The following RABEP2 variants were observed in gnomAD, a reference collection of about 807,000 sequenced individuals.
The protein encoded by RABEP2 is rab GTPase-binding effector protein 2.
In RABEP2, 57 loss-of-function variants were observed where a neutral mutation model predicts 74.1. The ratio of observed to expected loss-of-function variants is 0.77; its 90% CI spans 0.62 to 0.96. RABEP2 has a LOEUF of 0.96. Ranked by LOEUF, RABEP2 falls within the 40% of genes least tolerant of loss-of-function variation. The pLI, the probability that RABEP2 is intolerant of heterozygous loss-of-function variation, is 0.00. For missense variants in RABEP2, 692 were observed against 756.3 expected (o/e 0.91, Z 1.00); for synonymous variants, 351 against 344.0 (o/e 1.02, Z -0.23).
chr16:28,921,625 G>A (rs1020578905), intron 2 of RABEP2, among the ~76,000 whole-genome samples: 13 of 150,714 alleles, frequency 8.6e-5, no homozygotes, highest in Admixed American at 2.7e-4. Context: ...AGGAGATGGA[G>A]GTGATGTTGG....
At position 28,904,471 on chromosome 16, in the gene RABEP2, T is replaced by C. The variant is rs988430005; in HGVS notation, c.*472A>G. On this transcript the variant is annotated 3_prime_UTR_variant, in exon 13 of 13. Transcript: ENST00000358201. Reference sequence around the variant, plus strand: ...AATAAACGACGGAAAAGTCTGGCCTTGCCTCTGTGCAAGCTTGGAGGCCTG... The same window carrying C: ...AATAAACGACGGAAAAGTCTGGCCTCGCCTCTGTGCAAGCTTGGAGGCCTG... 1.1e-5 allele frequency: 16 copies of C among 1,510,798 alleles called. No individual in the cohort carries two copies. The African/African-American group carries it at 1.8e-4, about 17-fold the overall frequency. The allele number at this position is 1,510,798 out of a possible 1,614,324, so 93.6% of individuals were successfully genotyped here. A position where few individuals can be genotyped will look rare whatever the true frequency, so the allele number is the denominator to read the frequency against.
chr16:28,925,119 C>G lies in RABEP2; in HGVS notation c.45G>C (p.Arg15=), dbSNP rs1964518151. ...APVAADDDER[R]RRPGAALEDS... Reference sequence around the variant, plus strand: ...CTCACGTACCAGCCCCCGGCCGCCGCCGCCGCTCATCGTCGTCCGCGGCCA... The same window carrying G: ...CTCACGTACCAGCCCCCGGCCGCCGGCGCCGCTCATCGTCGTCCGCGGCCA... The change falls in exon 1 of 13, where the codon CGG becomes CGC. Residue 15 remains arginine, a synonymous_variant. Coordinates refer to ENST00000358201, the MANE Select transcript of RABEP2 (RefSeq NM_024816.3). 7 of 1,536,724 alleles carry G rather than the reference C, an allele frequency of 4.6e-6. No homozygotes were observed. Among genetic ancestry groups the G allele is most frequent in the Non-Finnish European group, 6.1e-6 (7 of 1,148,188 alleles).
At chr16:28,922,353 G>A (rs1276118923) in intron 2 of RABEP2, among the ~76,000 whole-genome samples, 1 of 152,122 alleles carries the variant, frequency 6.6e-6, no homozygotes, top group Non-Finnish European at 1.5e-5. Context: ...TTGGGAGGCC[G>A]AGGTGGGCGG....
intron 2 of RABEP2, chr16:28,920,985 C>T: frequency 3.5e-5 from 12 of 339,908 alleles, no homozygotes; most frequent in South Asian, 2.7e-4. Context: ...CACCTCAGTG[C>T]CCCGAGTAGC....
chr16:28,914,658 G>A lies in RABEP2; in HGVS notation c.543+14C>T, dbSNP rs748729728. On this transcript the variant is annotated intron_variant, in intron 4 of 12. Coordinates refer to ENST00000358201, the MANE Select transcript of RABEP2 (RefSeq NM_024816.3). Reference sequence around the variant, plus strand: ...CACCCCTCCTTCCCCAGCGCCCCCTGGCCGTGCCCTCACCTGGATCTCCTG... The same window carrying A: ...CACCCCTCCTTCCCCAGCGCCCCCTAGCCGTGCCCTCACCTGGATCTCCTG... 4.0e-5 allele frequency: 64 copies of A among 1,613,564 alleles called. No individual in the cohort carries two copies. The highest frequency in any genetic ancestry group is 4.4e-5 in the South Asian group (4 of 91,052).
At chr16:28,912,919 G>C (rs1964333857) in intron 5 of RABEP2, among the ~76,000 whole-genome samples, 1 of 151,952 alleles carries the variant, frequency 6.6e-6, no homozygotes, top group South Asian at 2.1e-4. Flanking sequence ...CCATCCTCAG[G>C]GCCTTCGAAC....
At position 28,914,681 on chromosome 16, in the gene RABEP2, C is replaced by T. The variant is rs774150456; in HGVS notation, c.534G>A (p.Gln178=). The part of the protein sequence containing the change: ...AKLLRAEELI[Q]EIQRRPRHAP... ...CTGGCCGTGCCCTCACCTGGATCTC[C>T]TGAATCAGCTCCTCGGCCCTCAGCA... is the stretch of plus-strand genomic sequence containing the variant. The change falls in exon 4 of 13, where the codon CAG becomes CAA. Residue 178 remains glutamine, a synonymous_variant. Coordinates refer to ENST00000358201, the MANE Select transcript of RABEP2 (RefSeq NM_024816.3). The T allele has an allele frequency of 8.1e-6, 13 of 1,614,018 alleles. No individual in the cohort carries two copies. In the South Asian group the frequency reaches 1.4e-4, roughly 18 times the overall value.
In RABEP2 at chr16:28,924,572, G is replaced by C; in HGVS notation, c.105C>G (p.Ala35=). The change falls in exon 2 of 13, where the codon GCC becomes GCG. Residue 35 remains alanine (A), a synonymous_variant. Coordinates refer to ENST00000358201, the MANE Select transcript of RABEP2 (RefSeq NM_024816.3). Reference sequence around the variant, plus strand: ...GAAGCCGGCTGAGCTCACCTGACTCGGCCTCACCATTTGCCCCTTCCTGGG... The same window carrying C: ...GAAGCCGGCTGAGCTCACCTGACTCCGCCTCACCATTTGCCCCTTCCTGGG... The part of the protein sequence containing the change: ...SRSQEGANGE[A]ESGELSRLRA... The C allele has an allele frequency of 2.5e-6, 4 of 1,613,322 alleles. No individual in the cohort carries two copies. The highest frequency in any genetic ancestry group is 3.4e-6 in the Non-Finnish European group (4 of 1,180,008).
chr16:28,910,607 C>T (rs1341230841), intron 7 of RABEP2: 1 of 362,652 alleles, frequency 2.8e-6, no homozygotes, highest in Non-Finnish European at 5.1e-6. Flanking sequence ...ACTCTGCAAA[C>T]TAGGGCCCAT....
chr16:28,910,690 G>T, intron 7 of RABEP2, 198 bp downstream of exon 7: 1 of 560,454 alleles, frequency 1.8e-6, no homozygotes, highest in Non-Finnish European at 3.2e-6. Context: ...AGCTCTGTGT[G>T]GCTGCAGGGG....
rs1349241101 is a variant in RABEP2, at chr16:28,904,820, GTC to G, written c.*121_*122del. 2.9e-5 allele frequency: 23 copies of G among 785,044 alleles called. No individual in the cohort carries two copies. In the East Asian group the frequency reaches 6.2e-4, roughly 21 times the overall value. The allele number at this position is 785,044 out of a possible 1,614,324, so 48.6% of individuals were successfully genotyped here. A position where few individuals can be genotyped will look rare whatever the true frequency, so the allele number is the denominator to read the frequency against. ...GGCGGGGCGGTGGTGGCCCCCGTCAGTCCCCTCAACCCCAGTCTCAGGGACGG... is the reference window on the plus strand; with the variant it reads ...GGCGGGGCGGTGGTGGCCCCCGTCAGCCCTCAACCCCAGTCTCAGGGACGG... On this transcript the variant is annotated 3_prime_UTR_variant, in exon 13 of 13. Coordinates refer to ENST00000358201, the MANE Select transcript of RABEP2 (RefSeq NM_024816.3).
intron 5 of RABEP2, among the ~76,000 whole-genome samples, chr16:28,912,925 C>T (rs1015075887): frequency 2.6e-5 from 4 of 152,068 alleles, no homozygotes; most frequent in Admixed American, 2.0e-4. Flanking sequence ...TCAGGGCCTT[C>T]GAACTCACAG....
intron 7 of RABEP2, chr16:28,910,281 T>C (rs1596696766): frequency 1.3e-5 from 2 of 149,944 alleles, no homozygotes; most frequent in Admixed American, 1.4e-4. Flanking sequence ...CAGTATCTGA[T>C]TTGCTTTTTT....
chr16:28,913,177 A>G (rs1964337616), intron 5 of RABEP2, among the ~76,000 whole-genome samples: 1 of 151,738 alleles, frequency 6.6e-6, no homozygotes, highest in Non-Finnish European at 1.5e-5. Context: ...TGATCTGCCC[A>G]TCTCGGCCTC....
intron 2 of RABEP2, among the ~76,000 whole-genome samples, chr16:28,921,837 C>T (rs1312343446): frequency 1.3e-5 from 2 of 151,500 alleles, no homozygotes; most frequent in East Asian, 1.9e-4. Context: ...TGGTGGTGGG[C>T]GCCTGTAATC....
chr16:28,914,591 G>C lies in RABEP2; in HGVS notation c.544-5C>G. On this transcript the variant is annotated splice_region_variant and splice_polypyrimidine_tract_variant and intron_variant, in intron 4 of 12. Coordinates refer to ENST00000358201, the MANE Select transcript of RABEP2 (RefSeq NM_024816.3). ...AGGGGCATGCCGGGGACGTCTCTAG[G>C]GAAGGGGGCAGGGAAGAGGCTGGGG... 1.2e-6 allele frequency: 2 copies of C among 1,609,742 alleles called. No individual in the cohort carries two copies. Among genetic ancestry groups the C allele is most frequent in the South Asian group, 2.2e-5 (2 of 90,718 alleles).
At position 28,920,363 on chromosome 16, in the gene RABEP2, G is replaced by GTTATTA. The variant is rs147158210; in HGVS notation, c.275-426_275-421dup. ...TTAAGAACGGTAAGAATTTTTTTTG[G>GTTATTA]TTATTATTATTATTATTATTATTAT... On this transcript the variant is annotated intron_variant, in intron 2 of 12. Transcript: ENST00000358201. Among the ~76,000 whole-genome samples the GTTATTA allele has an allele frequency of 8.0e-3, 1,132 of 141,604 alleles. 13 individuals carry two copies. The highest frequency in any genetic ancestry group is 0.021 in the African/African-American group (785 of 38,240). 92.9% of individuals were successfully genotyped at this position (141,604 alleles called of 152,430 possible).
At chr16:28,911,244 G>A (rs531663004) in intron 5 of RABEP2, 65 bp from the exon 6 acceptor site, 15 of 1,478,074 alleles carry the variant, frequency 1.0e-5, no homozygotes, top group East Asian at 7.0e-5. Context: ...CACACTTCTC[G>A]TGGCCCACCT....
intron 5 of RABEP2, among the ~76,000 whole-genome samples, chr16:28,912,074 G>A (rs1466214383): frequency 1.3e-5 from 2 of 151,804 alleles, no homozygotes; most frequent in East Asian, 1.9e-4. Context: ...GTGAAACCCC[G>A]TCTCTACTAT....
Sources: allele counts gnomAD v4.1 joint callset (sites outside exome capture counted in the v4.1 genomes callset), GRCh38; gene constraint gnomAD v4.1.1; transcripts MANE v1.5; gene names NCBI Gene and HGNC (gene_info 2026-07-23, HGNC 2026-07-21).